CUBN: variants seen among roughly 807,000 people sequenced by gnomAD.
CUBN encodes the protein 460 kDa receptor.
In CUBN, 282 loss-of-function variants were observed where a neutral mutation model predicts 405.3. That is an observed-to-expected ratio of 0.70 (90% CI 0.63 to 0.77). The LOEUF is 0.77. Ranked by LOEUF, CUBN falls within the 30% of genes least tolerant of loss-of-function variation. The pLI, the probability that CUBN is intolerant of heterozygous loss-of-function variation, is 0.00. For missense variants in CUBN, 4,514 were observed against 4,475.2 expected (o/e 1.01, Z -0.25); for synonymous variants, 1,684 against 1,617.0 (o/e 1.04, Z -0.99).
chr10:16,945,804 C>CTCCT (rs767969677), intron 36 of CUBN, among the ~76,000 whole-genome samples: 4,804 of 150,510 alleles, frequency 0.032, 113 homozygotes, highest in Non-Finnish European at 0.049. Context: ...AAACCAAAAC[C>CTCCT]TCCTTCCTGT....
intron 28 of CUBN, among the ~76,000 whole-genome samples, chr10:17,013,609 G>A (rs1471229565): frequency 6.6e-6 from 1 of 152,130 alleles, no homozygotes; most frequent in Non-Finnish European, 1.5e-5. Flanking sequence ...GTATTTAATA[G>A]GGGATCCCCC....
intron 59 of CUBN, among the ~76,000 whole-genome samples, chr10:16,866,957 G>A (rs1840203401): frequency 6.6e-6 from 1 of 152,106 alleles, no homozygotes; most frequent in Non-Finnish European, 1.5e-5. Context: ...AATGCACAAG[G>A]CGAATTGAAC....
rs142537000 is a variant in CUBN at position 16,835,227 on chromosome 10, G to A, written c.10181-32C>T. The A allele has an allele frequency of 1.3e-4, 204 of 1,527,298 alleles. 1 individual carries two copies. In the East Asian group the frequency reaches 3.0e-3, roughly 23 times the overall value. 94.6% of individuals were successfully genotyped at this position (1,527,298 alleles called of 1,614,324 possible). A position where few individuals can be genotyped will look rare whatever the true frequency, so the allele number is the denominator to read the frequency against. On this transcript the variant is annotated intron_variant, in intron 63 of 66. Transcript: ENST00000377833. Reference sequence around the variant, plus strand: ...GGAAAAATAGGCATAATTAATGTACGCATTCCAATATTTAGTGCTCTTTCA... The same window carrying A: ...GGAAAAATAGGCATAATTAATGTACACATTCCAATATTTAGTGCTCTTTCA...
At chr10:16,921,447 T>A (rs1842031177) in intron 43 of CUBN, among the ~76,000 whole-genome samples, 2 of 152,186 alleles carry the variant, frequency 1.3e-5, no homozygotes, top group South Asian at 4.1e-4. Context: ...TCTGTCTCTC[T>A]CCTTCTCTCT....
At chr10:17,109,162 C>T (rs1380750560) in intron 10 of CUBN, among the ~76,000 whole-genome samples, 1 of 152,036 alleles carries the variant, frequency 6.6e-6, no homozygotes, top group Admixed American at 6.6e-5. Context: ...AGGGTTAAAC[C>T]CTTCTATGCA....
At chr10:16,877,386 C>G (rs537591126) in intron 56 of CUBN, among the ~76,000 whole-genome samples, 1 of 152,270 alleles carries the variant, frequency 6.6e-6, no homozygotes, top group African/African-American at 2.4e-5. Context: ...TGACTGTAAA[C>G]TGGGGACCGT....
At chr10:17,102,512 C>G (rs987670779) in intron 13 of CUBN, among the ~76,000 whole-genome samples, 1 of 150,816 alleles carries the variant, frequency 6.6e-6, no homozygotes, top group Non-Finnish European at 1.5e-5. Flanking sequence ...GTCTTGAATT[C>G]CTGACCTCAG....
intron 17 of CUBN, 28 bp downstream of exon 17, chr10:17,084,243 C>G: frequency 1.2e-6 from 2 of 1,610,648 alleles, no homozygotes; most frequent in Non-Finnish European, 1.7e-6. Context: ...TGAATGTCAT[C>G]TAAGGGCGAT....
intron 27 of CUBN, chr10:17,023,660 G>A: frequency 2.2e-6 from 1 of 455,872 alleles, no homozygotes. Context: ...AAGCAAGCTG[G>A]AGTGGCCCTG....
Position 16,836,384 on chromosome 10 carries a change from T to C in CUBN, c.10033-2A>G. On this transcript the variant is annotated splice_acceptor_variant, in intron 62 of 66. Coordinates refer to ENST00000377833, the MANE Select transcript of CUBN (RefSeq NM_001081.4). LOFTEE classifies it high-confidence loss of function. ...CTGAAATCTTGAATTTCCGTGACCC[T>C]GAAATGAAATGGGAGCCAAATCATG... 1 of 1,613,698 alleles carries C rather than the reference T, an allele frequency of 6.2e-7. No individual in the cohort carries two copies. Among genetic ancestry groups the C allele is most frequent in the South Asian group, 1.1e-5 (1 of 91,068 alleles).
chr10:17,088,111 G>A (rs1836165383), intron 15 of CUBN, 53 bp downstream of exon 15: 1 of 1,433,672 alleles, frequency 7.0e-7, no homozygotes, highest in Non-Finnish European at 9.8e-7. Context: ...AGACCATAGT[G>A]CCCTGAGTCC....
chr10:17,072,323 C>T (rs750039289), intron 17 of CUBN, among the ~76,000 whole-genome samples: 1 of 151,888 alleles, frequency 6.6e-6, no homozygotes, highest in African/African-American at 2.4e-5. Flanking sequence ...TTAGCCAAAT[C>T]TGCAATCAAA....
chr10:16,982,562 G>A lies in CUBN; in HGVS notation c.4617C>T (p.Val1539=), dbSNP rs746251212. 2 of 1,613,772 alleles carry A rather than the reference G, an allele frequency of 1.2e-6. No individual in the cohort carries two copies. Among genetic ancestry groups the A allele is most frequent in the South Asian group, 2.2e-5 (2 of 91,072 alleles). The change falls in exon 31 of 67, where the codon GTC becomes GTT. Residue 1539 remains valine, a synonymous_variant. Coordinates refer to ENST00000377833, the MANE Select transcript of CUBN (RefSeq NM_001081.4). ...CACGATGATTTCTGTCAACCCGAAT[G>A]ACCCAAGAACAGTCTGTGTTGCTCC... ...PYRSNTDCSW[V]IRVDRNHRVL...
chr10:16,825,573 C>G (rs1197964652), intron 66 of CUBN, among the ~76,000 whole-genome samples: 1 of 150,732 alleles, frequency 6.6e-6, no homozygotes, highest in Admixed American at 6.6e-5. Flanking sequence ...TATTTTCATC[C>G]TCAGTGTTTA....
At chr10:17,103,463 G>A (rs1302333563) in intron 12 of CUBN, among the ~76,000 whole-genome samples, 1 of 152,094 alleles carries the variant, frequency 6.6e-6, no homozygotes, top group Non-Finnish European at 1.5e-5. Context: ...TCCATGAACT[G>A]CCATGTCTTA....
intron 31 of CUBN, among the ~76,000 whole-genome samples, chr10:16,979,473 G>A (rs1352430778): frequency 2.0e-5 from 3 of 152,152 alleles, no homozygotes; most frequent in Non-Finnish European, 4.4e-5. Flanking sequence ...AAAACAGCAT[G>A]GTACTGGTAC....
intron 31 of CUBN, among the ~76,000 whole-genome samples, chr10:16,980,182 T>A (rs953077713): frequency 4.6e-5 from 7 of 152,104 alleles, no homozygotes; most frequent in Non-Finnish European, 1.0e-4. Flanking sequence ...TATTAAAAAG[T>A]CAGGAAACAA....
intron 31 of CUBN, chr10:16,965,517 C>G (rs1843364947): frequency 6.6e-6 from 1 of 151,536 alleles, no homozygotes; most frequent in Non-Finnish European, 1.5e-5. Context: ...GTTTGCACCC[C>G]TCATGACTGA....
At chr10:16,925,800 T>G in intron 41 of CUBN, 26 bp from the exon 42 acceptor site, 1 of 1,607,816 alleles carries the variant, frequency 6.2e-7, no homozygotes, top group Non-Finnish European at 8.5e-7. Flanking sequence ...CAAAGGTCGG[T>G]TATTTAAATA....
Sources: gnomAD v4.1 joint callset for allele counts (sites outside exome capture counted in the v4.1 genomes callset) on GRCh38, gnomAD v4.1.1 for gene constraint, MANE v1.5 for transcripts, NCBI Gene and HGNC (gene_info 2026-07-23, HGNC 2026-07-21) for gene names.